CAP1: variants seen among roughly 807,000 people sequenced by gnomAD.
The protein encoded by CAP1 is cyclase associated actin cytoskeleton regulatory protein 1, also known as adenylyl cyclase-associated protein 1.
CAP1 carries 11 observed loss-of-function variants against 58.2 expected under a neutral mutation model. The observed-to-expected ratio is 0.19, with a 90% CI of 0.12 to 0.31. The LOEUF is 0.31. CAP1 is among the 10% of genes least tolerant of loss of function. The pLI, the probability that CAP1 is intolerant of heterozygous loss-of-function variation, is 1.00. For missense variants in CAP1, 423 were observed against 587.5 expected, an observed-to-expected ratio of 0.72 and a Z score of 2.89; for synonymous variants, 183 against 213.8, an observed-to-expected ratio of 0.86 and a Z score of 1.26.
At chr1:40,066,846 C>T (rs1240523406) in intron 7 of CAP1, among the ~76,000 whole-genome samples, 6 of 152,126 alleles carry the variant, frequency 3.9e-5, no homozygotes, top group Non-Finnish European at 8.8e-5. Context: ...AGAGATTGGT[C>T]ATCTCTGGCT....
chr1:40,068,390 C>CTA (rs1647209763), intron 8 of CAP1, among the ~76,000 whole-genome samples: 1 of 152,130 alleles, frequency 6.6e-6, no homozygotes, highest in South Asian at 2.1e-4. Flanking sequence ...CCTGCCTCAG[C>CTA]CTCCCGAGTA....
At chr1:40,056,832 A>G (rs1216720168) in intron 1 of CAP1, among the ~76,000 whole-genome samples, 1 of 152,196 alleles carries the variant, frequency 6.6e-6, no homozygotes, top group Non-Finnish European at 1.5e-5. Context: ...CTCTACACAC[A>G]CATACAATGT....
At chr1:40,049,458 G>T (rs1186011435) in intron 1 of CAP1, among the ~76,000 whole-genome samples, 1 of 151,908 alleles carries the variant, frequency 6.6e-6, no homozygotes, top group South Asian at 2.1e-4. Flanking sequence ...TTATCTACCC[G>T]CCTCAGCCTC....
rs189025591 is a variant in CAP1, at chr1:40,041,552, G to A, written c.-11+751G>A. On this transcript the variant is annotated intron_variant, in intron 1 of 12. Transcript: ENST00000372805. ...AGGTTTGGTCTGGCCTCAGTGCTGA[G>A]TGTCTGTGGCCATAGGTGCCTTAAA... 1.8e-4 allele frequency: 28 copies of A among 152,368 alleles called. No homozygotes were observed. In the East Asian group the frequency reaches 5.4e-3, roughly 29 times the overall value. 9.4% of individuals were successfully genotyped at this position (152,368 alleles called of 1,614,324 possible). A position where few individuals can be genotyped will look rare whatever the true frequency, so the allele number is the denominator to read the frequency against.
Position 40,064,237 on chromosome 1 carries a change from C to G in CAP1, c.305C>G (p.Ser102Cys), listed in dbSNP as rs757874517. 6.2e-7 allele frequency: 1 copy of G among 1,614,068 alleles called. No individual in the cohort carries two copies. Among genetic ancestry groups the G allele is most frequent in the Admixed American group, 1.7e-5 (1 of 59,996 alleles). ...TGTATCTTTTCCTAGAATAAGCTTT[C>G]CGATTTGTTGGCACCCATCTCAGAG... ...QCQQPAENKL[S>C]DLLAPISEQI... is the part of the protein sequence containing the mutation. The change falls in exon 5 of 13, where the codon TCC (serine) becomes TGC (cysteine). Residue 102 changes from serine (S) to cysteine (C), a missense_variant. Transcript: ENST00000372805.
intron 1 of CAP1, among the ~76,000 whole-genome samples, chr1:40,047,340 G>A (rs2124186834): frequency 6.6e-6 from 1 of 152,312 alleles, no homozygotes; most frequent in African/African-American, 2.4e-5. Flanking sequence ...CTACAGTGCT[G>A]CTTTGTTTGC....
At chr1:40,052,259 G>T (rs1303205203) in intron 1 of CAP1, among the ~76,000 whole-genome samples, 1 of 152,122 alleles carries the variant, frequency 6.6e-6, no homozygotes, top group African/African-American at 2.4e-5. Context: ...CCTTATATCT[G>T]TGTATGCTAG....
intron 1 of CAP1, among the ~76,000 whole-genome samples, chr1:40,042,238 T>C (rs981281536): frequency 1.3e-5 from 2 of 152,110 alleles, no homozygotes; most frequent in African/African-American, 4.8e-5. Context: ...ATAGCCTTTG[T>C]GGCAAAGAAT....
intron 6 of CAP1, among the ~76,000 whole-genome samples, chr1:40,065,148 CT>C (rs1647017452): frequency 6.6e-6 from 1 of 152,148 alleles, no homozygotes; most frequent in Non-Finnish European, 1.5e-5. Flanking sequence ...GACTAATGCC[CT>C]TTATATAAGA....
At chr1:40,070,699 C>G in intron 11 of CAP1, 137 bp from the exon 12 acceptor site, 1 of 889,712 alleles carries the variant, frequency 1.1e-6, no homozygotes. Context: ...TCCCAACCCA[C>G]CCGAGTATCC....
At chr1:40,052,257 C>A (rs547097118) in intron 1 of CAP1, among the ~76,000 whole-genome samples, 1 of 152,138 alleles carries the variant, frequency 6.6e-6, no homozygotes, top group Non-Finnish European at 1.5e-5. Context: ...ATCCTTATAT[C>A]TGTGTATGCT....
intron 1 of CAP1, among the ~76,000 whole-genome samples, chr1:40,058,686 C>T (rs1470601771): frequency 6.6e-6 from 1 of 151,938 alleles, no homozygotes; most frequent in African/African-American, 2.4e-5. Flanking sequence ...CCTGCCACTG[C>T]ACTCCAGCCT....
rs541899450 is a variant in CAP1, at chr1:40,045,459, T to C, written c.-11+4658T>C. Among the ~76,000 whole-genome samples, 5 of 152,354 alleles carry C rather than the reference T, an allele frequency of 3.3e-5. No homozygotes were observed. The South Asian group carries it at 1.0e-3, about 32-fold the overall frequency. On this transcript the variant is annotated intron_variant, in intron 1 of 12. Transcript: ENST00000372805. Reference sequence around the variant, plus strand: ...GGGTGGGCAGGTTGGAGTACAATGGTGCAATCATGGCTGATTGCAACCTCC... The same window carrying C: ...GGGTGGGCAGGTTGGAGTACAATGGCGCAATCATGGCTGATTGCAACCTCC...
rs775575092 is a variant in CAP1, at chr1:40,072,129, GGA to G, written c.*600_*601del. ...CTGGGTCTGCCTCAACCGTGAGATAGGAGAGTCTCTGGTACTAGCTGCTGTAG... is the reference window on the plus strand; with the variant it reads ...CTGGGTCTGCCTCAACCGTGAGATAGGAGTCTCTGGTACTAGCTGCTGTAG... On this transcript the variant is annotated 3_prime_UTR_variant, in exon 13 of 13. Coordinates refer to ENST00000372805, the MANE Select transcript of CAP1 (RefSeq NM_006367.4). 21 of 399,878 alleles carry G rather than the reference GGA, an allele frequency of 5.3e-5. 1 individual carries two copies. In the Admixed American group the frequency reaches 7.9e-4, roughly 15 times the overall value. 24.8% of individuals were successfully genotyped at this position (399,878 alleles called of 1,614,324 possible). A position where few individuals can be genotyped will look rare whatever the true frequency, so the allele number is the denominator to read the frequency against.
chr1:40,050,751 C>G (rs1176913893), intron 1 of CAP1, among the ~76,000 whole-genome samples: 2 of 152,096 alleles, frequency 1.3e-5, no homozygotes, highest in African/African-American at 2.4e-5. Context: ...TTTCTAGACC[C>G]TAATATCATC....
At chr1:40,065,619 C>T (rs1289858967) in intron 6 of CAP1, among the ~76,000 whole-genome samples, 2 of 152,204 alleles carry the variant, frequency 1.3e-5, no homozygotes, top group Non-Finnish European at 2.9e-5. Context: ...AAATAACCTT[C>T]CCAGTTAATA....
intron 4 of CAP1, among the ~76,000 whole-genome samples, chr1:40,062,469 G>C (rs945029861): frequency 2.0e-5 from 3 of 152,148 alleles, no homozygotes; most frequent in African/African-American, 4.8e-5. Context: ...TTAGATTCTG[G>C]TTAAGTGTGC....
intron 1 of CAP1, among the ~76,000 whole-genome samples, chr1:40,053,052 G>A (rs955415741): frequency 2.6e-4 from 39 of 152,138 alleles, no homozygotes; most frequent in Non-Finnish European, 4.3e-4. Context: ...GTGAAACCCC[G>A]TCTCTACTAA....
chr1:40,070,138 C>G (rs150295520), intron 9 of CAP1, 21 bp from the exon 10 acceptor site: 155 of 1,613,442 alleles, frequency 9.6e-5, no homozygotes, highest in African/African-American at 1.2e-4. Flanking sequence ...TGATGAGAAT[C>G]CTGGGATCTC....
Sources: allele counts gnomAD v4.1 joint callset (sites outside exome capture counted in the v4.1 genomes callset), GRCh38; gene constraint gnomAD v4.1.1; transcripts MANE v1.5; gene names NCBI Gene and HGNC (gene_info 2026-07-23, HGNC 2026-07-21).